ZDHHC3: variants seen among roughly 807,000 people sequenced by gnomAD.
ZDHHC3 encodes zDHHC palmitoyltransferase 3.
ZDHHC3 carries 9 observed loss-of-function variants against 30.6 expected under a neutral mutation model. That is an observed-to-expected ratio of 0.29 (90% CI 0.18 to 0.51). The LOEUF is 0.51. Ranked by LOEUF, ZDHHC3 falls within the 20% of genes least tolerant of loss-of-function variation. The pLI, the probability that ZDHHC3 is intolerant of heterozygous loss-of-function variation, is 0.97. For missense variants in ZDHHC3, 246 were observed against 384.2 expected (o/e 0.64, Z 3.01); for synonymous variants, 136 against 140.2 (o/e 0.97, Z 0.21).
intron 1 of ZDHHC3, among the ~76,000 whole-genome samples, chr3:44,965,417 C>T (rs1262375272): frequency 6.6e-6 from 1 of 152,136 alleles, no homozygotes; most frequent in Non-Finnish European, 1.5e-5. Context: ...CATGCTGTCT[C>T]TCCATGGTAG....
Position 44,926,606 on chromosome 3 carries a change from G to T in ZDHHC3, c.*83C>A. ...TTAAGAGTAGTTGTTTTGCTTTTTC[G>T]ATTTAAACATTCATGAGAACGGATG... is the stretch of plus-strand genomic sequence containing the variant. On this transcript the variant is annotated 3_prime_UTR_variant, in exon 7 of 7. Coordinates refer to ENST00000424952, the MANE Select transcript of ZDHHC3 (RefSeq NM_001135179.2). 2 of 1,328,304 alleles carry T rather than the reference G, an allele frequency of 1.5e-6. No homozygotes were observed. The highest frequency in any genetic ancestry group is 2.8e-5 in the East Asian group (1 of 35,902). 82.3% of individuals were successfully genotyped at this position (1,328,304 alleles called of 1,614,324 possible).
chr3:44,948,794 T>G (rs2125878584), intron 2 of ZDHHC3, among the ~76,000 whole-genome samples: 1 of 152,362 alleles, frequency 6.6e-6, no homozygotes, highest in African/African-American at 2.4e-5. Context: ...GACTCTTTGC[T>G]GGGCCCCAGC....
intron 5 of ZDHHC3, among the ~76,000 whole-genome samples, chr3:44,932,377 T>C (rs1701570543): frequency 6.6e-6 from 1 of 151,870 alleles, no homozygotes; most frequent in African/African-American, 2.4e-5. Context: ...GACAGTGAAA[T>C]AAAAAAAAGG....
chr3:44,944,876 A>G (rs1221900765), intron 3 of ZDHHC3, among the ~76,000 whole-genome samples: 3 of 152,224 alleles, frequency 2.0e-5, no homozygotes, highest in African/African-American at 7.2e-5. Flanking sequence ...CATTTTACAT[A>G]TATAAAAACA....
intron 1 of ZDHHC3, among the ~76,000 whole-genome samples, 155 bp downstream of exon 1, chr3:44,975,762 TCTCTCTCTCTCACACA>T (rs1705895978): frequency 1.4e-5 from 2 of 145,422 alleles, no homozygotes; most frequent in African/African-American, 5.4e-5. Context: ...TCTCTCTCTC[TCTCTCTCTCTCACACA>T]CACACACACA....
In ZDHHC3 at chr3:44,922,794, T is replaced by G. The variant is rs1700695177; in HGVS notation, c.*3895A>C. ...GAGAATGTGCATTTCTAACAAGTTC[T>G]CAGGTGATGCTGATGTTGACGTTGC... On this transcript the variant is annotated 3_prime_UTR_variant, in exon 7 of 7. Transcript: ENST00000424952. 1 of 985,238 alleles carries G rather than the reference T, an allele frequency of 1.0e-6. No homozygotes were observed. The highest frequency in any genetic ancestry group is 1.2e-6 in the Non-Finnish European group (1 of 829,784). The allele number at this position is 985,238 out of a possible 1,614,324, so 61.0% of individuals were successfully genotyped here.
rs1406670415 is a variant in ZDHHC3, at chr3:44,918,073, G to T, written c.*8616C>A. On this transcript the variant is annotated 3_prime_UTR_variant, in exon 7 of 7. Coordinates refer to ENST00000424952, the MANE Select transcript of ZDHHC3 (RefSeq NM_001135179.2). ...GTTCAGGGAGAAGTCCCCACCAAAGGTCTCCTTTACTGACTGCCAGCTCCC... is the reference window on the plus strand; with the variant it reads ...GTTCAGGGAGAAGTCCCCACCAAAGTTCTCCTTTACTGACTGCCAGCTCCC... 7.7e-7 allele frequency: 1 copy of T among 1,305,394 alleles called. No homozygotes were observed. Among genetic ancestry groups the T allele is most frequent in the African/African-American group, 1.5e-5 (1 of 65,950 alleles). The allele number at this position is 1,305,394 out of a possible 1,614,324, so 80.9% of individuals were successfully genotyped here. A position where few individuals can be genotyped will look rare whatever the true frequency, so the allele number is the denominator to read the frequency against.
intron 4 of ZDHHC3, chr3:44,933,542 C>T (rs1701683618): frequency 3.8e-6 from 2 of 530,524 alleles, no homozygotes; most frequent in Non-Finnish European, 6.7e-6. Flanking sequence ...TGCTGAGGGC[C>T]CTTCTAGTCC....
intron 2 of ZDHHC3, among the ~76,000 whole-genome samples, chr3:44,952,929 G>A (rs1021654936): frequency 6.6e-6 from 1 of 152,176 alleles, no homozygotes; most frequent in Non-Finnish European, 1.5e-5. Flanking sequence ...GACATTCCTG[G>A]AGGACAAGAC....
chr3:44,943,279 G>A (rs941866911), intron 3 of ZDHHC3, among the ~76,000 whole-genome samples: 5 of 152,202 alleles, frequency 3.3e-5, no homozygotes, highest in Non-Finnish European at 5.9e-5. Flanking sequence ...ACCCAAACCT[G>A]TCTCTAGTAC....
intron 4 of ZDHHC3, 143 bp downstream of exon 4, chr3:44,933,745 A>G: frequency 1.3e-6 from 1 of 788,292 alleles, no homozygotes; most frequent in Non-Finnish European, 2.2e-6. Context: ...GTTGAGCCAG[A>G]GAGATCTTTG....
At chr3:44,958,188 T>C (rs536167483) in intron 2 of ZDHHC3, among the ~76,000 whole-genome samples, 2 of 152,260 alleles carry the variant, frequency 1.3e-5, no homozygotes, top group East Asian at 3.9e-4. Flanking sequence ...TGATATGTAA[T>C]TGAGTTGGGA....
intron 2 of ZDHHC3, among the ~76,000 whole-genome samples, chr3:44,956,578 G>A (rs1703977066): frequency 6.6e-6 from 1 of 152,186 alleles, no homozygotes; most frequent in Non-Finnish European, 1.5e-5. Context: ...ACCAATTATA[G>A]TAGTCTCTGG....
chr3:44,968,979 T>C (rs1459628754), intron 1 of ZDHHC3, among the ~76,000 whole-genome samples: 1 of 152,234 alleles, frequency 6.6e-6, no homozygotes, highest in Non-Finnish European at 1.5e-5. Context: ...GGATGGTAAC[T>C]ACTACAATCT....
At chr3:44,973,423 C>T (rs1016296908) in intron 1 of ZDHHC3, among the ~76,000 whole-genome samples, 1 of 152,152 alleles carries the variant, frequency 6.6e-6, no homozygotes, top group African/African-American at 2.4e-5. Context: ...ATACTTGCAT[C>T]ACAGGGCTGT....
At position 44,925,556 on chromosome 3, in the gene ZDHHC3, G is replaced by GGT. The variant is rs1235029137; in HGVS notation, c.*1131_*1132dup. ...ATTCTGTCCCAGTGCCACAGGCTTA[G>GGT]GTGTGTCTGTGGATTCTGGCCAATG... On this transcript the variant is annotated 3_prime_UTR_variant, in exon 7 of 7. Coordinates refer to ENST00000424952, the MANE Select transcript of ZDHHC3 (RefSeq NM_001135179.2). The GGT allele has an allele frequency of 1.0e-6, 1 of 985,338 alleles. No individual in the cohort carries two copies. The highest frequency in any genetic ancestry group is 1.7e-5 in the African/African-American group (1 of 57,240). 61.0% of individuals were successfully genotyped at this position (985,338 alleles called of 1,614,324 possible).
intron 2 of ZDHHC3, among the ~76,000 whole-genome samples, chr3:44,957,533 A>T: frequency 6.6e-6 from 1 of 152,070 alleles, no homozygotes; most frequent in East Asian, 1.9e-4. Context: ...CTCCTTAGGC[A>T]CCTCGCCCAC....
At chr3:44,938,952 C>T (rs1297259768) in intron 3 of ZDHHC3, among the ~76,000 whole-genome samples, 3 of 152,200 alleles carry the variant, frequency 2.0e-5, no homozygotes, top group African/African-American at 4.8e-5. Flanking sequence ...CTGGCTAACT[C>T]GGAGCCTCTA....
Position 44,960,015 on chromosome 3 carries a change from G to A in ZDHHC3, c.-24-555C>T, listed in dbSNP as rs149690339. On this transcript the variant is annotated intron_variant, in intron 1 of 6. Coordinates refer to ENST00000424952, the MANE Select transcript of ZDHHC3 (RefSeq NM_001135179.2). ...TGAGCTCAAGTTATCTGCCCACCTC[G>A]GCCTCCCAAGGTGCTGGGATTATAG... Among the ~76,000 whole-genome samples the A allele has an allele frequency of 5.9e-4, 90 of 152,234 alleles. 5 individuals are homozygous for A. The East Asian group carries it at 0.014, about 24-fold the overall frequency.
Sources: gnomAD v4.1 joint callset for allele counts (sites outside exome capture counted in the v4.1 genomes callset) on GRCh38, gnomAD v4.1.1 for gene constraint, MANE v1.5 for transcripts, NCBI Gene and HGNC (gene_info 2026-07-23, HGNC 2026-07-21) for gene names.